The following DICER1 variants were observed in gnomAD, a reference collection of about 807,000 sequenced individuals.
DICER1 encodes endoribonuclease Dicer.
In DICER1, 43 loss-of-function variants were observed where a neutral mutation model predicts 194.1. That is an observed-to-expected ratio of 0.22 (90% confidence interval 0.17 to 0.29). The LOEUF is 0.29. Ranked by LOEUF, DICER1 falls within the 10% of genes least tolerant of loss-of-function variation. The pLI, the probability that DICER1 is intolerant of heterozygous loss-of-function variation, is 1.00. For synonymous variants in DICER1, 832 were observed against 820.5 expected (o/e 1.01, Z -0.24); for missense variants, 1,608 against 2,317.0 (o/e 0.69, Z 6.28).
In DICER1 at chr14:95,090,268, A is replaced by C; in HGVS notation, c.*230T>G. ...ATTTAAACAAAGCAGAAGTGAGGAA[A>C]GAAGATAAGATTGTGTTTGCGCAAA... On this transcript the variant is annotated 3_prime_UTR_variant, in exon 27 of 27. Coordinates refer to ENST00000343455, the MANE Select transcript of DICER1 (RefSeq NM_177438.3). 1 of 569,230 alleles carries C rather than the reference A, an allele frequency of 1.8e-6. No individual in the cohort carries two copies. The highest frequency in any genetic ancestry group is 1.9e-5 in the African/African-American group (1 of 53,502). 35.3% of individuals were successfully genotyped at this position (569,230 alleles called of 1,614,324 possible). A position where few individuals can be genotyped will look rare whatever the true frequency, so the allele number is the denominator to read the frequency against.
chr14:95,111,290 T>G (rs2140066174), intron 14 of DICER1, 27 bp downstream of exon 14: 1 of 1,613,954 alleles, frequency 6.2e-7, no homozygotes, highest in South Asian at 1.1e-5. Context: ...AATGCTAGGT[T>G]TTTACTCTGT....
At chr14:95,091,700 C>T (rs1043134153) in intron 24 of DICER1, among the ~76,000 whole-genome samples, 3 of 152,176 alleles carry the variant, frequency 2.0e-5, no homozygotes, top group African/African-American at 4.8e-5. Flanking sequence ...CAAATTCACT[C>T]GTAATCAAAG....
intron 1 of DICER1, among the ~76,000 whole-genome samples, chr14:95,150,419 G>C (rs1895439328): frequency 6.6e-6 from 1 of 152,224 alleles, no homozygotes; most frequent in Non-Finnish European, 1.5e-5. Flanking sequence ...CCAGGAGCCA[G>C]AGGTTGCAGT....
intron 1 of DICER1, among the ~76,000 whole-genome samples, chr14:95,134,779 G>A (rs959482143): frequency 2.0e-5 from 3 of 152,200 alleles, no homozygotes; most frequent in African/African-American, 4.8e-5. Flanking sequence ...GCACGTCTGC[G>A]GGCCTGACAG....
chr14:95,095,492 C>CT, intron 23 of DICER1: 2 of 341,684 alleles, frequency 5.9e-6, no homozygotes, highest in South Asian at 5.8e-5. Flanking sequence ...AAAAGCAGCA[C>CT]TGAATGGGCA....
rs1893233162 is a variant in DICER1 at position 95,124,536 on chromosome 14, A to C, written c.1036T>G (p.Leu346Val). ...TTCCTTAGGAAAGTGTCTGTAAACA[A>C]TAAAAATTTCCTGTGCAGCTCCTCT... Reference protein sequence around the residue: ...EQEELHRKFLLFTDTFLRKIH... With the variant: ...EQEELHRKFLVFTDTFLRKIH... The change falls in exon 8 of 27, where the codon TTG (leucine) becomes GTG (valine). Residue 346 changes from leucine to valine, a missense_variant. By Grantham distance (32) the Leu-to-Val change is conservative (BLOSUM62 1). This residue lies in a region of DICER1 where 657 missense variants were observed against 910.1 expected (regional missense o/e 0.72). Transcript: ENST00000343455. This position sits in a 1 kb window ranked among gnomAD's most constrained non-coding sequence, Gnocchi z 4.5. The C allele has an allele frequency of 6.2e-7, 1 of 1,613,892 alleles. No individual in the cohort carries two copies. Among genetic ancestry groups the C allele is most frequent in the African/African-American group, 1.3e-5 (1 of 74,924 alleles).
intron 15 of DICER1, 115 bp from the exon 16 acceptor site, chr14:95,108,208 G>T (rs879582957): frequency 3.1e-6 from 4 of 1,298,580 alleles, no homozygotes; most frequent in Admixed American, 3.4e-5. Flanking sequence ...GAGGCACCTC[G>T]ATCTTTAAAT....
intron 11 of DICER1, among the ~76,000 whole-genome samples, chr14:95,114,121 C>T (rs956201841): frequency 6.6e-6 from 1 of 152,192 alleles, no homozygotes; most frequent in Admixed American, 6.5e-5. Flanking sequence ...AAACGCCTGG[C>T]AGCAGCAACA....
rs10142995 is a variant in DICER1, at chr14:95,126,271, T to C, written c.903+309A>G. On this transcript the variant is annotated intron_variant, in intron 7 of 26. Coordinates refer to ENST00000343455, the MANE Select transcript of DICER1 (RefSeq NM_177438.3). ...GGAAGAATTTGTTTAATTCAAGGGT[T>C]TGAACAGGAACTAACTCTTCTGACC... Among the ~76,000 whole-genome samples, 25,368 of 152,048 alleles carry C rather than the reference T, an allele frequency of 0.17. 2,188 individuals carry two copies. Among genetic ancestry groups the C allele is most frequent in the South Asian group, 0.33 (1,592 of 4,800 alleles).
chr14:95,126,175 G>A (rs1391703404), intron 7 of DICER1, among the ~76,000 whole-genome samples: 1 of 152,138 alleles, frequency 6.6e-6, no homozygotes. Flanking sequence ...CTGTCCTAAG[G>A]GATCTCTTCT....
At chr14:95,156,979 C>T (rs986952032) in intron 1 of DICER1, among the ~76,000 whole-genome samples, 3 of 152,136 alleles carry the variant, frequency 2.0e-5, no homozygotes, top group African/African-American at 7.2e-5. Context: ...TCTCCCAGGG[C>T]TGCCTCGCGG....
intron 8 of DICER1, among the ~76,000 whole-genome samples, chr14:95,121,303 C>G (rs1892920495): frequency 6.6e-6 from 1 of 152,030 alleles, no homozygotes; most frequent in Non-Finnish European, 1.5e-5. Flanking sequence ...CCCTTACTGT[C>G]TAGTGGTTAG....
intron 8 of DICER1, among the ~76,000 whole-genome samples, chr14:95,118,741 C>A (rs753680679): frequency 6.6e-6 from 1 of 151,640 alleles, no homozygotes; most frequent in Non-Finnish European, 1.5e-5. Flanking sequence ...TCTCTGAAGT[C>A]ATATTACATA....
At chr14:95,095,398 C>T in intron 23 of DICER1, 1 of 218,846 alleles carries the variant, frequency 4.6e-6, no homozygotes, top group South Asian at 6.8e-5. Flanking sequence ...TTTAAAAAGA[C>T]CCTAAAGGAG....
intron 8 of DICER1, among the ~76,000 whole-genome samples, chr14:95,123,139 G>A (rs1893090932): frequency 6.6e-6 from 1 of 152,002 alleles, no homozygotes; most frequent in African/African-American, 2.4e-5. Flanking sequence ...AAAAAAATAA[G>A]AGTATCTATC....
At chr14:95,136,384 T>C (rs1033312500) in intron 1 of DICER1, among the ~76,000 whole-genome samples, 2 of 151,594 alleles carry the variant, frequency 1.3e-5, no homozygotes, top group African/African-American at 4.9e-5. Context: ...TCTTTTTTTC[T>C]TTTTTTTCAC....
intron 8 of DICER1, among the ~76,000 whole-genome samples, chr14:95,120,829 T>A (rs995995324): frequency 1.3e-5 from 2 of 152,198 alleles, no homozygotes; most frequent in African/African-American, 4.8e-5. Context: ...TACAGAAGAA[T>A]TCCAAATACA....
intron 17 of DICER1, among the ~76,000 whole-genome samples, chr14:95,107,119 G>A (rs12018997): frequency 0.028 from 4,208 of 152,246 alleles, 196 homozygotes; most frequent in African/African-American, 0.095. Flanking sequence ...CTGGGCTGAA[G>A]CAATCTTCCC....
chr14:95,090,231 A>C lies in DICER1; in HGVS notation c.*267T>G. On this transcript the variant is annotated 3_prime_UTR_variant, in exon 27 of 27. Coordinates refer to ENST00000343455, the MANE Select transcript of DICER1 (RefSeq NM_177438.3). The stretch of plus-strand genomic sequence containing the variant: ...AGCACTTGCTAAATGTCATCATTAA[A>C]GCACTCTTGTGATTTAAACAAAGCA... 7.9e-6 allele frequency: 4 copies of C among 507,198 alleles called. No individual in the cohort carries two copies. The South Asian group carries it at 8.7e-5, about 11-fold the overall frequency. 31.4% of individuals were successfully genotyped at this position (507,198 alleles called of 1,614,324 possible).
Sources: allele counts gnomAD v4.1 joint callset (sites outside exome capture counted in the v4.1 genomes callset), GRCh38; gene constraint gnomAD v4.1.1; regional missense constraint gnomAD v4.1.1; non-coding constraint Gnocchi (gnomAD v3.1); transcripts MANE v1.5; gene names NCBI Gene and HGNC (gene_info 2026-07-23, HGNC 2026-07-21).